CYP2C8: variants seen among roughly 807,000 people sequenced by gnomAD.
CYP2C8 encodes the protein cytochrome P450 family 2 subfamily C member 8.
Under a neutral mutation model 41.3 loss-of-function variants are expected in CYP2C8, and 51 were observed. The ratio of observed to expected loss-of-function variants is 1.24; its 90% CI spans 0.99 to 1.56. CYP2C8 has a LOEUF of 1.56. Ranked by LOEUF, CYP2C8 falls within the 40% of genes most tolerant of loss-of-function variation. The probability of loss-of-function intolerance (pLI) is 0.00; values close to 1 mark genes in which losing one functional copy is unlikely to be tolerated. For missense variants in CYP2C8, 651 were observed against 579.9 expected (o/e 1.12, Z -1.26); for synonymous variants, 218 against 205.8 (o/e 1.06, Z -0.51).
chr10:95,059,678 T>C (rs1246863887), intron 4 of CYP2C8, among the ~76,000 whole-genome samples: 1 of 152,232 alleles, frequency 6.6e-6, no homozygotes, highest in Non-Finnish European at 1.5e-5. Flanking sequence ...TTGGCTTTTG[T>C]TGCCATTGCT....
chr10:95,049,161 T>C (rs2033166268), intron 5 of CYP2C8, among the ~76,000 whole-genome samples: 1 of 152,004 alleles, frequency 6.6e-6, no homozygotes. Flanking sequence ...GCAAACAACA[T>C]GAACAGAAAT....
intron 7 of CYP2C8, among the ~76,000 whole-genome samples, chr10:95,042,010 TTC>T (rs2033012222): frequency 6.6e-6 from 1 of 152,116 alleles, no homozygotes; most frequent in South Asian, 2.1e-4. Context: ...TTCGTGAAAA[TTC>T]TTTTATAAAT....
chr10:95,038,477 T>C (rs891378156), intron 8 of CYP2C8, among the ~76,000 whole-genome samples: 1 of 152,174 alleles, frequency 6.6e-6, no homozygotes, highest in African/African-American at 2.4e-5. Flanking sequence ...TCTGTTCTCA[T>C]TGAAAGTTGT....
intron 7 of CYP2C8, chr10:95,040,832 T>C: frequency 2.2e-6 from 1 of 444,770 alleles, no homozygotes; most frequent in South Asian, 1.6e-5. Context: ...TTTTTAGGCA[T>C]TTCAAGGATA....
rs1362783722 is a variant in CYP2C8, at chr10:95,066,149, AGAGAGTGTGTGTGT to A, written c.481+1045_481+1058del. Among the ~76,000 whole-genome samples, 66 of 116,428 alleles carry A rather than the reference AGAGAGTGTGTGTGT, an allele frequency of 5.7e-4. 1 individual carries two copies. The highest frequency in any genetic ancestry group is 1.7e-3 in the African/African-American group (43 of 25,420). The allele number at this position is 116,428 out of a possible 152,430, so 76.4% of individuals were successfully genotyped here. A position where few individuals can be genotyped will look rare whatever the true frequency, so the allele number is the denominator to read the frequency against. ...GAGAGAGAGAGAGAGAGAGAGAGAG[AGAGAGTGTGTGTGT>A]GTGTGTGTGTGTGTGTGTGTGTGTG... On this transcript the variant is annotated intron_variant, in intron 3 of 8. Coordinates refer to ENST00000371270, the MANE Select transcript of CYP2C8 (RefSeq NM_000770.3).
chr10:95,065,058 A>G (rs1399558092), intron 3 of CYP2C8, 98 bp from the exon 4 acceptor site: 3 of 1,103,298 alleles, frequency 2.7e-6, no homozygotes, highest in Non-Finnish European at 3.5e-6. Context: ...ATTTTAAACA[A>G]TATCTTACAA....
chr10:95,061,220 C>G (rs889427093), intron 4 of CYP2C8, among the ~76,000 whole-genome samples: 6 of 152,156 alleles, frequency 3.9e-5, no homozygotes, highest in Non-Finnish European at 8.8e-5. Flanking sequence ...GGAATGGTAC[C>G]AGCTCCTCCT....
At chr10:95,068,231 C>A (rs2134443503) in intron 1 of CYP2C8, among the ~76,000 whole-genome samples, 1 of 151,978 alleles carries the variant, frequency 6.6e-6, no homozygotes, top group South Asian at 2.1e-4. Flanking sequence ...CCAGGTGATT[C>A]TAATGCCCAG....
intron 3 of CYP2C8, among the ~76,000 whole-genome samples, chr10:95,066,742 T>A (rs1286396823): frequency 6.6e-6 from 1 of 152,114 alleles, no homozygotes. Context: ...TATGACCATA[T>A]GAAAAAACTC....
chr10:95,047,939 A>G, intron 5 of CYP2C8, among the ~76,000 whole-genome samples: 1 of 152,196 alleles, frequency 6.6e-6, no homozygotes, highest in South Asian at 2.1e-4. Context: ...TCTCAAAACC[A>G]CAGCCTACTC....
rs1318434435 is a variant in CYP2C8, at chr10:95,058,461, G to T, written c.693C>A (p.Asn231Lys). 2.5e-6 allele frequency: 4 copies of T among 1,613,280 alleles called. No homozygotes were observed. Among genetic ancestry groups the T allele is most frequent in the Admixed American group, 1.7e-5 (1 of 59,850 alleles). Residue 231 changes from asparagine to lysine, a missense_variant, in exon 5 of 9, where the codon AAC becomes AAA. Transcript: ENST00000371270. ...LLIDCFPGTH[N>K]KVLKNVALTR... ...TAAGAGCAACATTTTTAAGCACTTT[G>T]TTGTGAGTTCCTGGGAAACAATCAA... is the stretch of plus-strand genomic sequence containing the variant.
At chr10:95,066,969 A>G (rs146921951) in intron 3 of CYP2C8, among the ~76,000 whole-genome samples, 6 of 152,344 alleles carry the variant, frequency 3.9e-5, no homozygotes, top group Admixed American at 6.5e-5. Context: ...AAAATTGAGC[A>G]GAAAATAGGA....
In CYP2C8 at chr10:95,058,520, G is replaced by A. The variant is rs1263168105; in HGVS notation, c.643-9C>T. ...GGGAAATTATTGCAGACCTAAAAGA[G>A]AAAAGAATATTAAATATAAACATGT... On this transcript the variant is annotated splice_polypyrimidine_tract_variant and intron_variant, in intron 4 of 8. Coordinates refer to ENST00000371270, the MANE Select transcript of CYP2C8 (RefSeq NM_000770.3). The A allele has an allele frequency of 6.2e-7, 1 of 1,602,556 alleles. No homozygotes were observed. The highest frequency in any genetic ancestry group is 2.3e-5 in the East Asian group (1 of 44,264).
chr10:95,058,317 C>A lies in CYP2C8; in HGVS notation c.819+18G>T. On this transcript the variant is annotated intron_variant, in intron 5 of 8. Coordinates refer to ENST00000371270, the MANE Select transcript of CYP2C8 (RefSeq NM_000770.3). ...ATGGACAAGAAATCAAAATACTGAT[C>A]TGTTGCTAATATCTTACCTGCTCCA... 6.2e-7 allele frequency: 1 copy of A among 1,612,198 alleles called. No individual in the cohort carries two copies. The highest frequency in any genetic ancestry group is 8.5e-7 in the Non-Finnish European group (1 of 1,179,232).
chr10:95,038,584 G>C (rs574632966), intron 8 of CYP2C8, among the ~76,000 whole-genome samples: 20 of 152,290 alleles, frequency 1.3e-4, no homozygotes. Context: ...GGTAAGGAAA[G>C]ATCAGATGAA....
In CYP2C8 at chr10:95,043,051, C is replaced by A. The variant is rs2033037026; in HGVS notation, c.988G>T (p.Val330Leu). ...TAKVQEEIDHVIGRHRSPCMQ... is the reference protein window; with the variant it reads ...TAKVQEEIDHLIGRHRSPCMQ... Reference sequence around the variant, plus strand: ...CAGGGGCTCCTGTGTCTGCCAATTACATGATCAATCTCTTCCTGGACTTTA... The same window carrying A: ...CAGGGGCTCCTGTGTCTGCCAATTAAATGATCAATCTCTTCCTGGACTTTA... The change falls in exon 7 of 9, where the codon GTA (valine) becomes TTA (leucine). Residue 330 changes from valine to leucine, a missense_variant. By Grantham distance (32) the Val-to-Leu change is conservative (BLOSUM62 1). Coordinates refer to ENST00000371270, the MANE Select transcript of CYP2C8 (RefSeq NM_000770.3). 1 of 1,614,180 alleles carries A rather than the reference C, an allele frequency of 6.2e-7. No homozygotes were observed. Among genetic ancestry groups the A allele is most frequent in the Non-Finnish European group, 8.5e-7 (1 of 1,180,034 alleles).
At chr10:95,041,991 C>G (rs2033011738) in intron 7 of CYP2C8, among the ~76,000 whole-genome samples, 1 of 151,930 alleles carries the variant, frequency 6.6e-6, no homozygotes, top group Admixed American at 6.6e-5. Flanking sequence ...AGTATCATTT[C>G]AAACCATATT....
intron 5 of CYP2C8, among the ~76,000 whole-genome samples, chr10:95,047,704 C>T (rs544458457): frequency 1.3e-4 from 20 of 152,190 alleles, no homozygotes; most frequent in Non-Finnish European, 2.8e-4. Flanking sequence ...AATGCAAATG[C>T]CAAGGCCAAG....
chr10:95,052,839 T>C (rs922201679), intron 5 of CYP2C8, among the ~76,000 whole-genome samples: 4 of 152,080 alleles, frequency 2.6e-5, no homozygotes, highest in South Asian at 2.1e-4. Context: ...GCTAGTAACA[T>C]ACTAAATAGG....
Sources: gnomAD v4.1 joint callset for allele counts (sites outside exome capture counted in the v4.1 genomes callset) on GRCh38, gnomAD v4.1.1 for gene constraint, MANE v1.5 for transcripts, NCBI Gene and HGNC (gene_info 2026-07-23, HGNC 2026-07-21) for gene names.